PTPRD: variants seen among roughly 807,000 people sequenced by gnomAD.
The protein encoded by PTPRD is protein tyrosine phosphatase receptor type D.
A neutral mutation model predicts 214.5 loss-of-function variants in PTPRD; 34 were observed. That is an observed-to-expected ratio of 0.16 (90% CI 0.12 to 0.21). The LOEUF (loss-of-function observed/expected upper bound fraction) is 0.21. PTPRD is among the 10% of genes least tolerant of loss of function. The pLI is 1.00. For missense variants in PTPRD, 2,545 were observed against 2,398.7 expected (o/e 1.06, Z -1.27); for synonymous variants, 1,128 against 845.7 (o/e 1.33, Z -5.79).
chr9:8,735,262 G>A (rs111591701), intron 11 of PTPRD, among the ~76,000 whole-genome samples: 211 of 150,126 alleles, frequency 1.4e-3, no homozygotes, highest in African/African-American at 4.9e-3. Context: ...TCCTGTCTCA[G>A]CCACCCAAGT....
intron 5 of PTPRD, among the ~76,000 whole-genome samples, chr9:9,838,681 G>T (rs905623797): frequency 2.0e-5 from 3 of 150,196 alleles, no homozygotes; most frequent in African/African-American, 7.3e-5. Context: ...TGTCAGATGA[G>T]TAGGTTGTGA....
chr9:9,271,590 T>G (rs1942959886), intron 9 of PTPRD, among the ~76,000 whole-genome samples: 1 of 151,392 alleles, frequency 6.6e-6, no homozygotes, highest in African/African-American at 2.4e-5. Context: ...ATTATTAAAA[T>G]CTGGATAGCA....
At chr9:10,193,364 G>A (rs992628122) in intron 3 of PTPRD, among the ~76,000 whole-genome samples, 27 of 152,126 alleles carry the variant, frequency 1.8e-4, no homozygotes, top group African/African-American at 6.0e-4. Flanking sequence ...TAAAGCCTCT[G>A]TGTGCGGTTG....
At chr9:10,005,521 T>A (rs1404712096) in intron 4 of PTPRD, among the ~76,000 whole-genome samples, 2 of 152,074 alleles carry the variant, frequency 1.3e-5, no homozygotes, top group Admixed American at 1.3e-4. Context: ...AGCTCAAAAA[T>A]GGTTATCAGA....
chr9:9,372,445 T>G (rs952578923), intron 9 of PTPRD, among the ~76,000 whole-genome samples: 1 of 152,128 alleles, frequency 6.6e-6, no homozygotes, highest in Non-Finnish European at 1.5e-5. Context: ...CCCCTGTCTT[T>G]TTTTGTTTTC....
intron 9 of PTPRD, among the ~76,000 whole-genome samples, chr9:9,298,621 G>C (rs778077491): frequency 3.3e-5 from 5 of 151,870 alleles, no homozygotes; most frequent in Non-Finnish European, 5.9e-5. Flanking sequence ...AACCAAATCA[G>C]TAGAGGAGCA....
intron 3 of PTPRD, among the ~76,000 whole-genome samples, chr9:10,104,887 G>T (rs1246913885): frequency 6.6e-6 from 1 of 151,792 alleles, no homozygotes; most frequent in Non-Finnish European, 1.5e-5. Context: ...CGTGTTTCCT[G>T]CTACATATTC....
chr9:10,431,035 T>A (rs1383425955), intron 2 of PTPRD, among the ~76,000 whole-genome samples: 1 of 151,992 alleles, frequency 6.6e-6, no homozygotes, highest in African/African-American at 2.4e-5. Flanking sequence ...GTAAGCTAGT[T>A]AGAAGTATAT....
chr9:9,054,642 C>A (rs1202695126), intron 10 of PTPRD, among the ~76,000 whole-genome samples: 1 of 152,116 alleles, frequency 6.6e-6, no homozygotes, highest in African/African-American at 2.4e-5. Context: ...GAAATGTGCT[C>A]CAAACCTGTT....
At chr9:9,237,062 T>G (rs915334367) in intron 9 of PTPRD, among the ~76,000 whole-genome samples, 1 of 152,194 alleles carries the variant, frequency 6.6e-6, no homozygotes, top group Admixed American at 6.6e-5. Context: ...AAAATGGAAC[T>G]GTATACTCAG....
intron 9 of PTPRD, among the ~76,000 whole-genome samples, chr9:9,215,660 CTGTACAACCCAGGAGGT>C (rs2133092392): frequency 6.6e-6 from 1 of 152,236 alleles, no homozygotes; most frequent in South Asian, 2.1e-4. Flanking sequence ...CCTCAGGGGG[CTGTACAACCCAGGAGGT>C]TAATCTAATA....
intron 33 of PTPRD, among the ~76,000 whole-genome samples, chr9:8,458,678 A>C (rs1351655040): frequency 1.3e-5 from 2 of 152,126 alleles, no homozygotes; most frequent in Non-Finnish European, 2.9e-5. Context: ...ATGATTACTC[A>C]CGGGGCAGGT....
intron 8 of PTPRD, among the ~76,000 whole-genome samples, chr9:9,486,544 T>G (rs1426006994): frequency 3.9e-5 from 6 of 152,102 alleles, no homozygotes; most frequent in Non-Finnish European, 7.4e-5. Context: ...CGCTGCCTTC[T>G]TAGTTTTTCT....
intron 2 of PTPRD, among the ~76,000 whole-genome samples, chr9:10,518,604 C>T (rs1001892013): frequency 6.6e-6 from 1 of 151,748 alleles, no homozygotes; most frequent in Non-Finnish European, 1.5e-5. Flanking sequence ...CCAATCTTGG[C>T]TCACTTCAAG....
intron 10 of PTPRD, among the ~76,000 whole-genome samples, chr9:9,113,095 G>T (rs1012529428): frequency 2.0e-5 from 3 of 151,560 alleles, no homozygotes; most frequent in Admixed American, 6.6e-5. Flanking sequence ...CTCCCAAGTG[G>T]CTAGAACTAT....
rs1822726708 is a variant in PTPRD, at chr9:8,317,399, A to G, written c.*475T>C. On this transcript the variant is annotated 3_prime_UTR_variant, in exon 46 of 46. Coordinates refer to ENST00000381196, the MANE Select transcript of PTPRD (RefSeq NM_002839.4). ...TAAATCAAGGACTTTCTTTTTAAAC[A>G]TTCCCTCCCCTTTCCCCCTAAAATG... 4.3e-6 allele frequency: 1 copy of G among 233,018 alleles called. No individual in the cohort carries two copies. 14.4% of individuals were successfully genotyped at this position (233,018 alleles called of 1,614,324 possible).
chr9:9,394,419 G>C (rs1369061119), intron 9 of PTPRD, among the ~76,000 whole-genome samples: 1 of 152,154 alleles, frequency 6.6e-6, no homozygotes, highest in African/African-American at 2.4e-5. Flanking sequence ...TGAATACATG[G>C]ATCAATTCAC....
chr9:8,368,213 T>A (rs998502102), intron 39 of PTPRD, among the ~76,000 whole-genome samples: 2 of 152,196 alleles, frequency 1.3e-5, no homozygotes, highest in Non-Finnish European at 2.9e-5. Context: ...TGATTCCGCT[T>A]ACTAGTTAAG....
intron 11 of PTPRD, among the ~76,000 whole-genome samples, chr9:8,808,799 C>A (rs1222053702): frequency 2.0e-5 from 3 of 152,148 alleles, no homozygotes; most frequent in Admixed American, 6.5e-5. Context: ...AGGACCCAGA[C>A]TGGACTCAAT....
Sources: gnomAD v4.1 joint callset for allele counts (sites outside exome capture counted in the v4.1 genomes callset) on GRCh38, gnomAD v4.1.1 for gene constraint, MANE v1.5 for transcripts, NCBI Gene and HGNC (gene_info 2026-07-23, HGNC 2026-07-21) for gene names.